The following STRBP variants were observed in gnomAD, a reference collection of about 807,000 sequenced individuals.
The protein encoded by STRBP is spermatid perinuclear RNA binding protein, also known as spermatid perinuclear RNA-binding protein.
A neutral mutation model predicts 80.1 loss-of-function variants in STRBP; 13 were observed. The observed-to-expected ratio is 0.16, with a 90% confidence interval of 0.11 to 0.26. The LOEUF (loss-of-function observed/expected upper bound fraction) is 0.26, where lower values mean the gene tolerates loss of function less well. Among genes scored for constraint, STRBP ranks in the 10% least tolerant of loss-of-function variants. The pLI is 1.00. For synonymous variants in STRBP, 284 were observed against 291.2 expected, an observed-to-expected ratio of 0.98 and a Z score of 0.25; for missense variants, 485 against 815.2, an observed-to-expected ratio of 0.59 and a Z score of 4.93.
At chr9:123,217,835 A>C (rs557021984) in intron 2 of STRBP, among the ~76,000 whole-genome samples, 1 of 152,308 alleles carries the variant, frequency 6.6e-6, no homozygotes, top group East Asian at 1.9e-4. Context: ...TCTGCCACAT[A>C]CGTTTGCTTT....
At chr9:123,217,015 C>G (rs1472651465) in intron 2 of STRBP, among the ~76,000 whole-genome samples, 1 of 152,168 alleles carries the variant, frequency 6.6e-6, no homozygotes, top group African/African-American at 2.4e-5. Context: ...AGATACCTGC[C>G]TTATCTGCTT....
intron 2 of STRBP, among the ~76,000 whole-genome samples, chr9:123,196,233 A>G (rs1588082385): frequency 6.6e-6 from 1 of 152,354 alleles, no homozygotes; most frequent in East Asian, 1.9e-4. Context: ...ATCAAAGTGG[A>G]TTAAAGAATT....
chr9:123,220,476 G>A lies in STRBP; in HGVS notation c.-165+16354C>T, dbSNP rs539758480. ...TATGATATAATCTCATGGGACCACT[G>A]TACATTGTACAAGCAGTCTGTCATT... On this transcript the variant is annotated intron_variant, in intron 2 of 18. Transcript: ENST00000348403. Among the ~76,000 whole-genome samples, 19 of 152,322 alleles carry A rather than the reference G, an allele frequency of 1.2e-4. 1 individual carries two copies. Among genetic ancestry groups the A allele is most frequent in the Middle Eastern group, 6.8e-3 (2 of 294 alleles).
intron 3 of STRBP, among the ~76,000 whole-genome samples, chr9:123,183,211 G>T (rs1347628547): frequency 2.0e-5 from 3 of 151,986 alleles, no homozygotes; most frequent in African/African-American, 7.2e-5. Context: ...GCTGAGGTGG[G>T]TGGATCACCT....
At chr9:123,190,558 A>C (rs2038887143) in intron 2 of STRBP, among the ~76,000 whole-genome samples, 1 of 152,126 alleles carries the variant, frequency 6.6e-6, no homozygotes, top group South Asian at 2.1e-4. Flanking sequence ...AATTCCGGCT[A>C]TTCCTCCTTA....
At chr9:123,159,009 G>T in intron 9 of STRBP, 87 bp downstream of exon 9, 1 of 1,077,214 alleles carries the variant, frequency 9.3e-7, no homozygotes, top group Non-Finnish European at 1.4e-6. Context: ...ATTTTCCTGT[G>T]TAGAGAACAA....
At chr9:123,203,686 C>A (rs1365090645) in intron 2 of STRBP, among the ~76,000 whole-genome samples, 1 of 151,930 alleles carries the variant, frequency 6.6e-6, no homozygotes, top group Non-Finnish European at 1.5e-5. Context: ...AAAATAGCGA[C>A]CTCGGCCAGG....
intron 1 of STRBP, among the ~76,000 whole-genome samples, chr9:123,264,979 C>A (rs2041238032): frequency 6.6e-6 from 1 of 152,174 alleles, no homozygotes; most frequent in South Asian, 2.1e-4. Flanking sequence ...TGCTCAAATT[C>A]TCTGCCAAAA....
At chr9:123,223,720 A>C (rs75203160) in intron 2 of STRBP, among the ~76,000 whole-genome samples, 1 of 152,128 alleles carries the variant, frequency 6.6e-6, no homozygotes, top group Admixed American at 6.5e-5. Flanking sequence ...TCAACGTTAC[A>C]ATTTTTTTTT....
intron 5 of STRBP, among the ~76,000 whole-genome samples, chr9:123,172,180 C>T (rs893444408): frequency 6.6e-6 from 1 of 152,098 alleles, no homozygotes; most frequent in Non-Finnish European, 1.5e-5. Context: ...TGATCATTCT[C>T]ATAAGAAACA....
intron 6 of STRBP, among the ~76,000 whole-genome samples, chr9:123,164,092 C>G (rs143061355): frequency 2.6e-3 from 401 of 152,316 alleles, no homozygotes; most frequent in African/African-American, 8.5e-3. Context: ...TGTAGCCCAG[C>G]TGGAGTGCAG....
intron 2 of STRBP, among the ~76,000 whole-genome samples, chr9:123,231,275 A>T (rs1274652656): frequency 1.3e-5 from 2 of 152,168 alleles, no homozygotes; most frequent in Non-Finnish European, 1.5e-5. Context: ...ATTTTACTGC[A>T]CTTCCAACTG....
At position 123,123,382 on chromosome 9, in the gene STRBP, A is replaced by T; in HGVS notation, c.*2215T>A. On this transcript the variant is annotated 3_prime_UTR_variant, in exon 19 of 19. Transcript: ENST00000348403. ...CAGGTGGGGGGACACTTAATTCATT[A>T]CAGAATTTAAACAGTTGAACTTGCA... 1.0e-6 allele frequency: 1 copy of T among 985,476 alleles called. No individual in the cohort carries two copies. Among genetic ancestry groups the T allele is most frequent in the Non-Finnish European group, 1.2e-6 (1 of 829,938 alleles). The allele number at this position is 985,476 out of a possible 1,614,324, so 61.0% of individuals were successfully genotyped here.
In STRBP at chr9:123,133,647, C is replaced by G. The variant is rs144630729; in HGVS notation, c.1774-679G>C. ...TCCACCTTCCCAGGTTCAAGTGATT[C>G]TCCTGCCTCAGCCTCCCAAGTAACT... On this transcript the variant is annotated intron_variant, in intron 16 of 18. Coordinates refer to ENST00000348403, the MANE Select transcript of STRBP (RefSeq NM_018387.5). 6.0e-4 allele frequency among the ~76,000 whole-genome samples: 92 copies of G among 152,066 alleles called. 1 individual carries two copies. In the East Asian group the frequency reaches 0.016, roughly 27 times the overall value.
chr9:123,146,971 A>G lies in STRBP; in HGVS notation c.1222T>C (p.Ser408Pro), dbSNP rs1340316020. 6.2e-7 allele frequency: 1 copy of G among 1,613,998 alleles called. No homozygotes were observed. ...IRPGLQYKLL[S>P]QSGPVHAPVF... ...GGGGCATGAACGGGGCCAGACTGAG[A>G]TAGGAGCTTATACTGAAGCCCAGGC... The change falls in exon 13 of 19, where the codon TCT (serine) becomes CCT (proline). Residue 408 changes from serine to proline, a missense_variant. Ser to Pro is a moderately conservative substitution (Grantham distance 74). Transcript: ENST00000348403.
At chr9:123,209,808 G>T (rs2039646723) in intron 2 of STRBP, among the ~76,000 whole-genome samples, 1 of 152,132 alleles carries the variant, frequency 6.6e-6, no homozygotes, top group Non-Finnish European at 1.5e-5. Flanking sequence ...TAATAAGTTT[G>T]TCTCGATAAA....
intron 4 of STRBP, among the ~76,000 whole-genome samples, chr9:123,174,424 T>G (rs559314486): frequency 1.3e-5 from 2 of 152,332 alleles, no homozygotes; most frequent in South Asian, 4.1e-4. Flanking sequence ...GGTGACAGAA[T>G]GAGACCCTGT....
intron 2 of STRBP, among the ~76,000 whole-genome samples, chr9:123,218,545 A>AT (rs1354349059): frequency 6.7e-6 from 1 of 148,882 alleles, no homozygotes; most frequent in East Asian, 2.0e-4. Flanking sequence ...AATTTTTTGT[A>AT]TTTTTAGTAG....
chr9:123,168,015 A>G (rs1289558907), intron 6 of STRBP, among the ~76,000 whole-genome samples: 2 of 152,188 alleles, frequency 1.3e-5, no homozygotes, highest in Admixed American at 6.5e-5. Context: ...CAAAAAAAAA[A>G]AATGAAAGGG....
Sources: gnomAD v4.1 joint callset for allele counts (sites outside exome capture counted in the v4.1 genomes callset) on GRCh38, gnomAD v4.1.1 for gene constraint, MANE v1.5 for transcripts, NCBI Gene and HGNC (gene_info 2026-07-23, HGNC 2026-07-21) for gene names.